Variants in GCN1 observed in about 807,000 individuals in gnomAD.
GCN1 encodes the protein stalled ribosome sensor GCN1.
A neutral mutation model predicts 288.4 loss-of-function variants in GCN1; 90 were observed. The observed-to-expected ratio is 0.31, with a 90% CI of 0.26 to 0.37. The LOEUF is 0.37. Ranked by LOEUF, GCN1 falls within the 10% of genes least tolerant of loss-of-function variation. GCN1 has a pLI of 1.00. For synonymous variants in GCN1, 1,386 were observed against 1,420.2 expected (o/e 0.98, Z 0.54); for missense variants, 2,586 against 3,419.9 (o/e 0.76, Z 6.08).
chr12:120,194,188 G>C (rs1445205060), intron 1 of GCN1, among the ~76,000 whole-genome samples: 1 of 152,224 alleles, frequency 6.6e-6, no homozygotes, highest in Non-Finnish European at 1.5e-5. Flanking sequence ...GACTTGGCGG[G>C]GTTAAGTCAC....
At position 120,156,915 on chromosome 12, in the gene GCN1, T is replaced by C. The variant is rs756928985; in HGVS notation, c.3165A>G (p.Leu1055=). 2 of 1,605,890 alleles carry C rather than the reference T, an allele frequency of 1.2e-6. No individual in the cohort carries two copies. The highest frequency in any genetic ancestry group is 2.7e-5 in the African/African-American group (2 of 74,826). ...TWVIGTGSPR[L]QVLASDTLTT... ...AGCCAACTGAAAACCACATCACCTG[T>C]AAGCGAGGCGAGCCCGTCCCGATCA... Residue 1055 remains leucine, a synonymous_variant, in exon 27 of 58, where the codon TTA becomes TTG. Transcript: ENST00000300648. The surrounding 1 kb of genome is among the most constrained non-coding windows in gnomAD (Gnocchi z 5.8).
intron 24 of GCN1, 62 bp downstream of exon 24, chr12:120,159,763 C>T: frequency 6.9e-7 from 1 of 1,440,818 alleles, no homozygotes; most frequent in African/African-American, 1.4e-5. Context: ...CAGGGGCACA[C>T]CCTGTCCAAG....
At position 120,134,191 on chromosome 12, in the gene GCN1, T is replaced by C. The variant is rs1876920303; in HGVS notation, c.7317+100A>G. ...AAATGTCAGGAATGCTTATTACTAC[T>C]GAGCTGTACTGGTTCTAACACAAAG... is the stretch of plus-strand genomic sequence containing the variant. On this transcript the variant is annotated intron_variant, in intron 53 of 57. Coordinates refer to ENST00000300648, the MANE Select transcript of GCN1 (RefSeq NM_006836.2). This position sits in a 1 kb window ranked among gnomAD's most constrained non-coding sequence, Gnocchi z 5.0. 1 of 735,634 alleles carries C rather than the reference T, an allele frequency of 1.4e-6. No individual in the cohort carries two copies. The highest frequency in any genetic ancestry group is 2.5e-5 in the East Asian group (1 of 39,560). 45.6% of individuals were successfully genotyped at this position (735,634 alleles called of 1,614,324 possible). A position where few individuals can be genotyped will look rare whatever the true frequency, so the allele number is the denominator to read the frequency against.
intron 14 of GCN1, among the ~76,000 whole-genome samples, chr12:120,170,743 C>T (rs1878288093): frequency 6.6e-6 from 1 of 152,120 alleles, no homozygotes; most frequent in African/African-American, 2.4e-5. Context: ...CTAGTTGAGG[C>T]AAGTCAGAGC....
intron 2 of GCN1, among the ~76,000 whole-genome samples, chr12:120,185,248 G>A (rs936347360): frequency 1.3e-5 from 2 of 152,100 alleles, no homozygotes; most frequent in Non-Finnish European, 2.9e-5. Context: ...ATTAGGAGGC[G>A]TACCTTTCTT....
intron 5 of GCN1, among the ~76,000 whole-genome samples, chr12:120,179,153 G>A (rs1234742962): frequency 1.3e-5 from 2 of 152,132 alleles, no homozygotes; most frequent in African/African-American, 4.8e-5. Flanking sequence ...GTTCCCACTA[G>A]TGTTCGTTTA....
At chr12:120,174,747 T>C (rs374238800) in intron 12 of GCN1, among the ~76,000 whole-genome samples, 5 of 126,654 alleles carry the variant, frequency 3.9e-5, no homozygotes, top group South Asian at 2.6e-4. Context: ...GCCAAGATTG[T>C]GCCACTGCGC....
intron 22 of GCN1, 69 bp downstream of exon 22, chr12:120,161,421 G>A (rs1877921566): frequency 3.1e-6 from 3 of 973,064 alleles, no homozygotes; most frequent in Non-Finnish European, 5.0e-6. Flanking sequence ...TATGTGCAGT[G>A]GGAAAAGCCA....
In GCN1 at chr12:120,130,742, C is replaced by G; in HGVS notation, c.7575G>C (p.Ala2525=). The change falls in exon 56 of 58, where the codon GCG becomes GCC. Residue 2525 remains alanine (A), a synonymous_variant. Coordinates refer to ENST00000300648, the MANE Select transcript of GCN1 (RefSeq NM_006836.2). ...AGCCCATGCCCCGGACCCCGCTCAC[C>G]GCAATGGGGATCTGTGGAGAACAGA... ...SSATADRIPI[A]VSGVRGMGFL... 29 of 1,610,596 alleles carry G rather than the reference C, an allele frequency of 1.8e-5. No homozygotes were observed. Among genetic ancestry groups the G allele is most frequent in the Non-Finnish European group, 2.5e-5 (29 of 1,177,004 alleles).
chr12:120,186,520 G>GT (rs1389261259), intron 2 of GCN1, among the ~76,000 whole-genome samples: 1 of 152,246 alleles, frequency 6.6e-6, no homozygotes, highest in Non-Finnish European at 1.5e-5. Flanking sequence ...TATACTGGGT[G>GT]TAGGAAGAAC....
intron 36 of GCN1, among the ~76,000 whole-genome samples, chr12:120,149,097 T>TGG (rs11407805): frequency 0.032 from 4,890 of 150,892 alleles, 282 homozygotes; most frequent in African/African-American, 0.11. Flanking sequence ...AGAGCTTTCC[T>TGG]GGGGGGGGAA....
chr12:120,184,004 A>G, intron 4 of GCN1, 108 bp downstream of exon 4: 1 of 1,091,736 alleles, frequency 9.2e-7, no homozygotes, highest in Non-Finnish European at 1.3e-6. Flanking sequence ...GGTTTTCTCC[A>G]CTAAGCTTGC....
Position 120,150,671 on chromosome 12 carries a change from T to C in GCN1, c.4309+474A>G, listed in dbSNP as rs561359539. Among the ~76,000 whole-genome samples, 947 of 147,602 alleles carry C rather than the reference T, an allele frequency of 6.4e-3. 8 individuals are homozygous for C. Among genetic ancestry groups the C allele is most frequent in the African/African-American group, 0.023 (906 of 39,954 alleles). On this transcript the variant is annotated intron_variant, in intron 34 of 57. Transcript: ENST00000300648. ...AGAAATTTGTGGCCGGGCGCGGTGG[T>C]TCATGCCTGTAATCCCAGCACTTTG... is the stretch of plus-strand genomic sequence containing the variant.
At position 120,159,874 on chromosome 12, in the gene GCN1, G is replaced by C. The variant is rs749385668; in HGVS notation, c.2700C>G (p.Pro900=). ...TGACACAGGCAGCCAAGGACAAGAA[G>C]GGGTTCTTGATCCTGGGAGCAGCCA... ...SPLAAPRIKN[P]FLSLAACVMP... is the part of the protein sequence containing the mutation. The change falls in exon 24 of 58, where the codon CCC becomes CCG. Residue 900 remains proline, a synonymous_variant. Transcript: ENST00000300648. 2.1e-4 allele frequency: 335 copies of C among 1,614,066 alleles called. No homozygotes were observed. Among genetic ancestry groups the C allele is most frequent in the Non-Finnish European group, 2.8e-4 (327 of 1,180,038 alleles).
In GCN1 at chr12:120,175,984, T is replaced by G. The variant is rs902939388; in HGVS notation, c.914-110A>C. 2.8e-6 allele frequency: 4 copies of G among 1,420,220 alleles called. No homozygotes were observed. The African/African-American group carries it at 4.3e-5, about 15-fold the overall frequency. The allele number at this position is 1,420,220 out of a possible 1,614,324, so 88.0% of individuals were successfully genotyped here. ...TTCAGTATTAGCTGTTTGCTCTCAT[T>G]CAAATAATCTCAAGAAAGAAACTGC... On this transcript the variant is annotated intron_variant, in intron 10 of 57. Transcript: ENST00000300648.
rs764620288 is a variant in GCN1 at position 120,156,416 on chromosome 12, A to G, written c.3312+45T>C. On this transcript the variant is annotated intron_variant, in intron 28 of 57. Transcript: ENST00000300648. This position sits in a 1 kb window ranked among gnomAD's most constrained non-coding sequence, Gnocchi z 5.8. ...CCCATCATGCAATTTGCACTTGCATAGAGTGACAAGGGACACTGCAGTGGC... is the reference window on the plus strand; with the variant it reads ...CCCATCATGCAATTTGCACTTGCATGGAGTGACAAGGGACACTGCAGTGGC... The G allele has an allele frequency of 1.4e-5, 22 of 1,590,596 alleles. No homozygotes were observed. The South Asian group carries it at 2.4e-4, about 18-fold the overall frequency.
At position 120,187,467 on chromosome 12, in the gene GCN1, C is replaced by T. The variant is rs182000492; in HGVS notation, c.122-2580G>A. Reference sequence around the variant, plus strand: ...CTGACCTCAGGTGATCCATCCTCCTCGGCCTCCTAAAGTGCTGGGATTCCA... The same window carrying T: ...CTGACCTCAGGTGATCCATCCTCCTTGGCCTCCTAAAGTGCTGGGATTCCA... On this transcript the variant is annotated intron_variant, in intron 2 of 57. Coordinates refer to ENST00000300648, the MANE Select transcript of GCN1 (RefSeq NM_006836.2). Among the ~76,000 whole-genome samples the T allele has an allele frequency of 4.1e-4, 62 of 152,190 alleles. 1 individual carries two copies. In the East Asian group the frequency reaches 0.011, roughly 28 times the overall value.
In GCN1 at chr12:120,138,410, G is replaced by C; in HGVS notation, c.6162C>G (p.Asp2054Glu). ...CCAAGGCAAACTCTGACACCTCCTC[G>C]TCATCCTGCAGAGGGTGTTGGGGAC... The part of the protein sequence containing the change: ...ILPFLLKQLD[D>E]EEVSEFALDG... Residue 2054 changes from aspartate (D) to glutamate (E), a missense_variant, in exon 47 of 58, where the codon GAC becomes GAG. Physicochemically the swap from Asp to Glu is conservative, Grantham distance 45 (BLOSUM62 2). Transcript: ENST00000300648. 1 of 1,594,190 alleles carries C rather than the reference G, an allele frequency of 6.3e-7. No homozygotes were observed. Among genetic ancestry groups the C allele is most frequent in the Non-Finnish European group, 8.6e-7 (1 of 1,161,788 alleles).
rs375748879 is a variant in GCN1 at position 120,176,224 on chromosome 12, G to C, written c.839-7C>G. On this transcript the variant is annotated splice_region_variant and splice_polypyrimidine_tract_variant and intron_variant, in intron 9 of 57. Coordinates refer to ENST00000300648, the MANE Select transcript of GCN1 (RefSeq NM_006836.2). ...GCCAGCAGACTAGAAATAGCTAAGG[G>C]GGACAGAAAGCACTGACCATGTCAG... 104 of 1,587,728 alleles carry C rather than the reference G, an allele frequency of 6.6e-5. No homozygotes were observed. The African/African-American group carries it at 1.1e-3, about 17-fold the overall frequency.
Sources: gnomAD v4.1 joint callset for allele counts (sites outside exome capture counted in the v4.1 genomes callset) on GRCh38, gnomAD v4.1.1 for gene constraint, Gnocchi (gnomAD v3.1) non-coding constraint, MANE v1.5 for transcripts, NCBI Gene and HGNC (gene_info 2026-07-23, HGNC 2026-07-21) for gene names.